ITCH: variants seen among roughly 807,000 people sequenced by gnomAD.
ITCH encodes the protein itchy E3 ubiquitin protein ligase.
Under a neutral mutation model 126.8 loss-of-function variants are expected in ITCH, and 28 were observed. That is an observed-to-expected ratio of 0.22 (90% confidence interval 0.16 to 0.30). ITCH has a LOEUF of 0.30. Among genes scored for constraint, ITCH ranks in the 10% least tolerant of loss-of-function variants. ITCH has a pLI of 1.00. For synonymous variants in ITCH, 342 were observed against 340.0 expected (o/e 1.01, Z -0.06); for missense variants, 631 against 1,032.4 (o/e 0.61, Z 5.33).
intron 23 of ITCH, among the ~76,000 whole-genome samples, chr20:34,498,535 ATGAAG>A (rs1990034887): frequency 6.6e-6 from 1 of 152,168 alleles, no homozygotes; most frequent in African/African-American, 2.4e-5. Flanking sequence ...AGTTTTTCTT[ATGAAG>A]TGATGTTGGA....
At chr20:34,430,017 A>G (rs1457502265) in intron 7 of ITCH, among the ~76,000 whole-genome samples, 3 of 152,184 alleles carry the variant, frequency 2.0e-5, no homozygotes. Flanking sequence ...ATATTTGGCT[A>G]AAGGTGCAGT....
At chr20:34,455,026 C>T (rs557296963) in intron 12 of ITCH, among the ~76,000 whole-genome samples, 7 of 151,792 alleles carry the variant, frequency 4.6e-5, no homozygotes, top group Admixed American at 1.3e-4. Context: ...GACGGGGTTT[C>T]GACCTGTTGG....
intron 3 of ITCH, among the ~76,000 whole-genome samples, chr20:34,397,144 T>G (rs1417400414): frequency 6.6e-6 from 1 of 152,106 alleles, no homozygotes; most frequent in Non-Finnish European, 1.5e-5. Context: ...TGCCTCAGCC[T>G]CCCAAGTAGC....
Position 34,500,420 on chromosome 20 carries a change from G to A in ITCH, c.2417-3911G>A, listed in dbSNP as rs115602157. Among the ~76,000 whole-genome samples the A allele has an allele frequency of 4.2e-3, 645 of 152,158 alleles. 7 individuals are homozygous for A. The highest frequency in any genetic ancestry group is 0.015 in the African/African-American group (604 of 41,530). On this transcript the variant is annotated intron_variant, in intron 23 of 24. Coordinates refer to ENST00000374864, the MANE Select transcript of ITCH (RefSeq NM_031483.7). ...ATTGGTCCCTTTATCATTATAGAAT[G>A]CCCTTTGTCTCTTTTTATAGTTTTT... is the stretch of plus-strand genomic sequence containing the variant.
intron 20 of ITCH, among the ~76,000 whole-genome samples, chr20:34,488,533 G>C (rs1989291592): frequency 6.6e-6 from 1 of 152,030 alleles, no homozygotes; most frequent in Non-Finnish European, 1.5e-5. Flanking sequence ...CCAACATGAT[G>C]AAACCCCCGT....
At chr20:34,466,270 T>G in intron 14 of ITCH, 3 of 434,770 alleles carry the variant, frequency 6.9e-6, no homozygotes, top group South Asian at 5.2e-5. Context: ...TAAATCCTAC[T>G]TAGTCAAAAG....
rs185837311 is a variant in ITCH, at chr20:34,493,797, A to C, written c.2416+1200A>C. On this transcript the variant is annotated intron_variant, in intron 23 of 24. Transcript: ENST00000374864. The stretch of plus-strand genomic sequence containing the variant: ...AGGTAACAATATATGAGTTAGAGTT[A>C]AGAGGAAACAGAAGAAGTTGAATCA... Among the ~76,000 whole-genome samples the C allele has an allele frequency of 1.2e-3, 183 of 152,296 alleles. 1 individual carries two copies. The highest frequency in any genetic ancestry group is 2.4e-3 in the Non-Finnish European group (160 of 68,022).
Position 34,442,271 on chromosome 20 carries a change from A to G in ITCH, c.933A>G (p.Thr311=), listed in dbSNP as rs1358728124. ...VYYVDHVEKR[T]TWDRPEPLPP... ...ATGTAGATCATGTTGAGAAAAGAACAACATGGGATAGACCAGAACCTCTAC... is the reference window on the plus strand; with the variant it reads ...ATGTAGATCATGTTGAGAAAAGAACGACATGGGATAGACCAGAACCTCTAC... The change falls in exon 10 of 25, where the codon ACA becomes ACG. Residue 311 remains threonine, a synonymous_variant. Coordinates refer to ENST00000374864, the MANE Select transcript of ITCH (RefSeq NM_031483.7). The G allele has an allele frequency of 1.2e-6, 2 of 1,613,794 alleles. No homozygotes were observed. Among genetic ancestry groups the G allele is most frequent in the Admixed American group, 1.7e-5 (1 of 60,024 alleles).
chr20:34,388,341 T>C (rs2038364530), intron 2 of ITCH, among the ~76,000 whole-genome samples: 1 of 152,098 alleles, frequency 6.6e-6, no homozygotes, highest in Admixed American at 6.6e-5. Context: ...AGTTTGTTTG[T>C]TTGCTTGTTT....
At chr20:34,388,100 CTTTT>C (rs533244733) in intron 2 of ITCH, among the ~76,000 whole-genome samples, 1 of 138,156 alleles carries the variant, frequency 7.2e-6, no homozygotes. Flanking sequence ...CTTGTGAAGG[CTTTT>C]TTTTTTTTTT....
At chr20:34,385,901 A>G (rs2038266080) in intron 2 of ITCH, among the ~76,000 whole-genome samples, 1 of 152,198 alleles carries the variant, frequency 6.6e-6, no homozygotes, top group Non-Finnish European at 1.5e-5. Context: ...TGTTAAGTCA[A>G]TTAAGTCAAT....
At chr20:34,500,159 T>A (rs761285132) in intron 23 of ITCH, among the ~76,000 whole-genome samples, 6 of 152,318 alleles carry the variant, frequency 3.9e-5, no homozygotes, top group Non-Finnish European at 8.8e-5. Context: ...TCTGAAGCTG[T>A]TGGATGAAAT....
chr20:34,412,263 T>A (rs1278900037), intron 4 of ITCH, among the ~76,000 whole-genome samples: 4 of 152,246 alleles, frequency 2.6e-5, no homozygotes, highest in Non-Finnish European at 5.9e-5. Context: ...GATAAGCAGT[T>A]TTACTTTTGT....
chr20:34,477,329 G>A (rs1988324367), intron 16 of ITCH, among the ~76,000 whole-genome samples: 1 of 152,166 alleles, frequency 6.6e-6, no homozygotes, highest in African/African-American at 2.4e-5. Flanking sequence ...TCAGGAGTTT[G>A]AGACCAGCCT....
At chr20:34,440,434 A>G (rs1983597542) in intron 9 of ITCH, 90 bp downstream of exon 9, 2 of 980,548 alleles carry the variant, frequency 2.0e-6, no homozygotes, top group Admixed American at 1.8e-5. Flanking sequence ...AACAACAGTA[A>G]ACTCCATTGT....
chr20:34,404,080 G>T (rs1288761910), intron 3 of ITCH, among the ~76,000 whole-genome samples: 7 of 152,236 alleles, frequency 4.6e-5, no homozygotes, highest in African/African-American at 1.7e-4. Flanking sequence ...AAATAATTCT[G>T]GTGGCTGTGA....
intron 2 of ITCH, among the ~76,000 whole-genome samples, chr20:34,377,214 AAT>A (rs1265527981): frequency 6.6e-6 from 1 of 152,076 alleles, no homozygotes; most frequent in South Asian, 2.1e-4. Context: ...GTCTACTAAA[AAT>A]ATAAAAAATT....
chr20:34,507,995 C>CG lies in ITCH; in HGVS notation c.*201_*202insG. 1.8e-6 allele frequency: 1 copy of CG among 541,516 alleles called. No homozygotes were observed. The highest frequency in any genetic ancestry group is 3.3e-5 in the East Asian group (1 of 30,682). 33.5% of individuals were successfully genotyped at this position (541,516 alleles called of 1,614,324 possible). On this transcript the variant is annotated 3_prime_UTR_variant, in exon 25 of 25. Coordinates refer to ENST00000374864, the MANE Select transcript of ITCH (RefSeq NM_031483.7). Reference sequence around the variant, plus strand: ...GAAATCAGGTCTGCAAATGACTAGTCAGAACCTTGCTTAACATGAGATTTT... The same window carrying CG: ...GAAATCAGGTCTGCAAATGACTAGTCGAGAACCTTGCTTAACATGAGATTTT...
At chr20:34,388,201 G>A (rs1347547856) in intron 2 of ITCH, among the ~76,000 whole-genome samples, 2 of 151,076 alleles carry the variant, frequency 1.3e-5, no homozygotes, top group South Asian at 2.1e-4. Flanking sequence ...GAGTTCAAGC[G>A]GTCCTCCCAG....
Sources: allele counts gnomAD v4.1 joint callset (sites outside exome capture counted in the v4.1 genomes callset), GRCh38; gene constraint gnomAD v4.1.1; transcripts MANE v1.5; gene names NCBI Gene and HGNC (gene_info 2026-07-23, HGNC 2026-07-21).